Variants in RARRES1 observed in about 807,000 individuals in gnomAD.
The protein encoded by RARRES1 is retinoic acid receptor responder protein 1.
In RARRES1, 34 loss-of-function variants were observed where a neutral mutation model predicts 30.6. That is an observed-to-expected ratio of 1.11 (90% CI 0.84 to 1.48). The LOEUF (loss-of-function observed/expected upper bound fraction) is 1.48. RARRES1 is among the 40% of genes most tolerant of loss of function. The probability of loss-of-function intolerance (pLI) is 0.00; values close to 1 mark genes in which losing one functional copy is unlikely to be tolerated. For missense variants in RARRES1, 373 were observed against 386.5 expected, an observed-to-expected ratio of 0.97 and a Z score of 0.29; for synonymous variants, 153 against 155.5, an observed-to-expected ratio of 0.98 and a Z score of 0.12.
chr3:158,719,240 G>A (rs1727420434), intron 1 of RARRES1, among the ~76,000 whole-genome samples: 1 of 151,384 alleles, frequency 6.6e-6, no homozygotes, highest in Non-Finnish European at 1.5e-5. Flanking sequence ...TCATAATCAT[G>A]GGCCACTAAT....
chr3:158,709,301 A>C (rs1196456238), intron 3 of RARRES1, among the ~76,000 whole-genome samples: 2 of 152,206 alleles, frequency 1.3e-5, no homozygotes, highest in African/African-American at 4.8e-5. Context: ...ATCCAATACA[A>C]TTTCTAAAAT....
intron 1 of RARRES1, among the ~76,000 whole-genome samples, chr3:158,716,364 G>A (rs750679705): frequency 9.9e-5 from 15 of 152,244 alleles, no homozygotes; most frequent in African/African-American, 3.4e-4. Context: ...TGATACATTC[G>A]GGCATGGTTA....
intron 4 of RARRES1, among the ~76,000 whole-genome samples, chr3:158,704,184 C>G (rs1037542789): frequency 6.6e-6 from 1 of 151,178 alleles, no homozygotes; most frequent in Non-Finnish European, 1.5e-5. Flanking sequence ...AAGCCACCAC[C>G]AGGCCTTGCC....
chr3:158,705,457 A>G (rs1040353136), intron 3 of RARRES1, among the ~76,000 whole-genome samples: 25 of 147,004 alleles, frequency 1.7e-4, no homozygotes, highest in African/African-American at 6.0e-4. Context: ...TTTTTTTTTT[A>G]AGAGACAGGG....
At chr3:158,704,210 C>CTTTTTTTTTTTTTTTTTTTT in intron 4 of RARRES1, among the ~76,000 whole-genome samples, 1 of 82,808 alleles carries the variant, frequency 1.2e-5, no homozygotes, top group Non-Finnish European at 2.3e-5. Flanking sequence ...TATTGCAATA[C>CTTTTTTTTTTTTTTTTTTTT]TTTTTTTTTT....
At chr3:158,710,994 A>T in intron 2 of RARRES1, 61 bp from the exon 3 acceptor site, 1 of 1,467,770 alleles carries the variant, frequency 6.8e-7, no homozygotes, top group South Asian at 1.2e-5. Context: ...ACAAGCACAC[A>T]CAAGATTGAG....
At chr3:158,697,857 T>A in intron 5 of RARRES1, 30 bp from the exon 6 acceptor site, 2 of 1,594,130 alleles carry the variant, frequency 1.3e-6, no homozygotes, top group Middle Eastern at 1.7e-4. Context: ...AATATTATAA[T>A]CTGCAAAAAC....
intron 3 of RARRES1, among the ~76,000 whole-genome samples, chr3:158,709,982 C>T (rs545010794): frequency 3.3e-5 from 5 of 152,330 alleles, no homozygotes; most frequent in African/African-American, 9.6e-5. Context: ...AGAGAGGGCT[C>T]ATCTGGCCTT....
At chr3:158,703,370 T>A (rs912817617) in intron 4 of RARRES1, among the ~76,000 whole-genome samples, 3 of 152,182 alleles carry the variant, frequency 2.0e-5, no homozygotes, top group African/African-American at 7.2e-5. Flanking sequence ...TGCCTCTCTC[T>A]GCTGGACTTT....
chr3:158,732,188 C>A lies in RARRES1; in HGVS notation c.228G>T (p.Ser76=). ...ALHFFNFRSG[S]PSALRVLAEV... Reference sequence around the variant, plus strand: ...CGGCCAGCACTCGTAGCGCGCTGGGCGAGCCGGACCGGAAGTTGAAGAAGT... The same window carrying A: ...CGGCCAGCACTCGTAGCGCGCTGGGAGAGCCGGACCGGAAGTTGAAGAAGT... Residue 76 remains serine, a synonymous_variant, in exon 1 of 6, where the codon TCG becomes TCT. Transcript: ENST00000237696. 7.1e-7 allele frequency: 1 copy of A among 1,418,280 alleles called. No individual in the cohort carries two copies. Among genetic ancestry groups the A allele is most frequent in the Non-Finnish European group, 9.2e-7 (1 of 1,092,490 alleles). 87.9% of individuals were successfully genotyped at this position (1,418,280 alleles called of 1,614,324 possible).
At chr3:158,703,659 C>T (rs1348704955) in intron 4 of RARRES1, among the ~76,000 whole-genome samples, 2 of 152,156 alleles carry the variant, frequency 1.3e-5, no homozygotes, top group African/African-American at 4.8e-5. Context: ...ATGAAATGGG[C>T]AGTTCTCAGT....
Position 158,718,935 on chromosome 3 carries a change from AAAG to A in RARRES1, c.277-5079_277-5077del, listed in dbSNP as rs1279393618. Among the ~76,000 whole-genome samples the A allele has an allele frequency of 4.6e-5, 7 of 152,320 alleles. No homozygotes were observed. In the East Asian group the frequency reaches 1.2e-3, roughly 25 times the overall value. On this transcript the variant is annotated intron_variant, in intron 1 of 5. Coordinates refer to ENST00000237696, the MANE Select transcript of RARRES1 (RefSeq NM_206963.2). The stretch of plus-strand genomic sequence containing the variant: ...ACCAACAATTCTAGCTTTCCTGAGG[AAAG>A]AAGGATTCCTGTAATATAGATTACA...
At chr3:158,716,011 C>T (rs1052156009) in intron 1 of RARRES1, among the ~76,000 whole-genome samples, 5 of 152,226 alleles carry the variant, frequency 3.3e-5, no homozygotes, top group African/African-American at 1.2e-4. Flanking sequence ...GGTCGCTGCA[C>T]CCCGCACCTG....
rs915179975 is a variant in RARRES1 at position 158,715,434 on chromosome 3, A to G, written c.277-1575T>C. On this transcript the variant is annotated intron_variant, in intron 1 of 5. Coordinates refer to ENST00000237696, the MANE Select transcript of RARRES1 (RefSeq NM_206963.2). Reference sequence around the variant, plus strand: ...GAATTCCAGGGGACAGTGAAGCTGGAGAAAAGGTGTCTGGGGAGGTGGGTG... The same window carrying G: ...GAATTCCAGGGGACAGTGAAGCTGGGGAAAAGGTGTCTGGGGAGGTGGGTG... Among the ~76,000 whole-genome samples the G allele has an allele frequency of 2.6e-5, 4 of 152,224 alleles. No individual in the cohort carries two copies. In the South Asian group the frequency reaches 8.3e-4, roughly 32 times the overall value.
chr3:158,697,364 TA>T lies in RARRES1; in HGVS notation c.*313del, dbSNP rs141453852. 0.024 allele frequency: 4,757 copies of T among 201,294 alleles called. 92 individuals are homozygous for T. The highest frequency in any genetic ancestry group is 0.066 in the African/African-American group (2,838 of 43,028). 12.5% of individuals were successfully genotyped at this position (201,294 alleles called of 1,614,324 possible). A position where few individuals can be genotyped will look rare whatever the true frequency, so the allele number is the denominator to read the frequency against. ...AGATGAGACCATCATTTTTTGCAGT[TA>T]AAAAAAAAATGCTGATTCTGGTGCA... is the stretch of plus-strand genomic sequence containing the variant. On this transcript the variant is annotated 3_prime_UTR_variant, in exon 6 of 6. Coordinates refer to ENST00000237696, the MANE Select transcript of RARRES1 (RefSeq NM_206963.2).
At chr3:158,714,293 G>C (rs1020519413) in intron 1 of RARRES1, among the ~76,000 whole-genome samples, 1 of 152,150 alleles carries the variant, frequency 6.6e-6, no homozygotes, top group Non-Finnish European at 1.5e-5. Context: ...GGCAACAAAC[G>C]CACAACAAGT....
At chr3:158,712,561 G>A (rs574494447) in intron 2 of RARRES1, among the ~76,000 whole-genome samples, 2 of 152,208 alleles carry the variant, frequency 1.3e-5, no homozygotes, top group South Asian at 4.1e-4. Context: ...GTTAATTATT[G>A]GTGCAACATA....
At chr3:158,718,224 C>T (rs56152025) in intron 1 of RARRES1, among the ~76,000 whole-genome samples, 28,694 of 151,976 alleles carry the variant, frequency 0.19, 2,844 homozygotes, top group Non-Finnish European at 0.23. Flanking sequence ...ATGATCCACC[C>T]GCCTCGGCCT....
In RARRES1 at chr3:158,704,717, G is replaced by A. The variant is rs4680457; in HGVS notation, c.672+74C>T. 809,254 of 1,508,568 alleles carry A rather than the reference G, an allele frequency of 0.54. 220,262 individuals are homozygous for A. Among genetic ancestry groups the A allele is most frequent in the African/African-American group, 0.73 (52,132 of 71,474 alleles). The allele number at this position is 1,508,568 out of a possible 1,614,324, so 93.4% of individuals were successfully genotyped here. On this transcript the variant is annotated intron_variant, in intron 4 of 5. Transcript: ENST00000237696. Reference sequence around the variant, plus strand: ...ACTCTTGATATGAAATTAGAAGTTCGCATGAATTCAGTCTAAGGAGACCAC... The same window carrying A: ...ACTCTTGATATGAAATTAGAAGTTCACATGAATTCAGTCTAAGGAGACCAC...
Sources: gnomAD v4.1 joint callset for allele counts (sites outside exome capture counted in the v4.1 genomes callset) on GRCh38, gnomAD v4.1.1 for gene constraint, MANE v1.5 for transcripts, NCBI Gene and HGNC (gene_info 2026-07-23, HGNC 2026-07-21) for gene names.